ARSB: variants seen among roughly 807,000 people sequenced by gnomAD.
The protein encoded by ARSB is arylsulfatase B, also known as N-acetylgalactosamine-4-sulfatase.
ARSB carries 41 observed loss-of-function variants against 50.9 expected under a neutral mutation model. The observed-to-expected ratio is 0.81, with a 90% confidence interval of 0.63 to 1.04. The LOEUF is 1.04. ARSB is among the 50% of genes least tolerant of loss of function. ARSB has a pLI of 0.00. For synonymous variants in ARSB, 269 were observed against 284.8 expected, an observed-to-expected ratio of 0.94 and a Z score of 0.56; for missense variants, 672 against 693.3, an observed-to-expected ratio of 0.97 and a Z score of 0.35.
chr5:78,814,534 C>T (rs1008742067), intron 6 of ARSB, among the ~76,000 whole-genome samples: 2 of 150,788 alleles, frequency 1.3e-5, no homozygotes, highest in Non-Finnish European at 3.0e-5. Flanking sequence ...TAAAGGCCCA[C>T]TCTTTTTTTT....
At chr5:78,797,363 G>T (rs1470111218) in intron 6 of ARSB, among the ~76,000 whole-genome samples, 2 of 152,140 alleles carry the variant, frequency 1.3e-5, no homozygotes, top group East Asian at 3.9e-4. Context: ...CATTTCGCTG[G>T]GTATTCTAGA....
At chr5:78,858,180 T>C (rs565185409) in intron 5 of ARSB, among the ~76,000 whole-genome samples, 1 of 152,320 alleles carries the variant, frequency 6.6e-6, no homozygotes, top group Middle Eastern at 3.4e-3. Context: ...GGTGTTTCCA[T>C]TCATTTGGTT....
rs753857948 is a variant in ARSB at position 78,964,537 on chromosome 5, G to A, written c.569C>T (p.Thr190Ile). The change falls in exon 3 of 8, where the codon ACA becomes ATA. Residue 190 changes from threonine to isoleucine, a missense_variant. Physicochemically the swap from Thr to Ile is moderately conservative, Grantham distance 89 (BLOSUM62 -1). Coordinates refer to ENST00000264914, the MANE Select transcript of ARSB (RefSeq NM_000046.5). Reference protein sequence around the residue: ...RCTLIDALNVTRCALDFRDGE... With the variant: ...RCTLIDALNVIRCALDFRDGE... ...ATCTCGAAAATCAAGAGCACATCGT[G>A]TGACATTCAGAGCGTCAATTAATGT... The A allele has an allele frequency of 1.1e-5, 18 of 1,614,014 alleles. No individual in the cohort carries two copies. The Admixed American group carries it at 1.8e-4, about 16-fold the overall frequency.
intron 5 of ARSB, among the ~76,000 whole-genome samples, chr5:78,872,831 AAAG>A (rs956228864): frequency 5.2e-5 from 6 of 115,802 alleles, no homozygotes; most frequent in African/African-American, 1.1e-4. Context: ...AAAAAAAAAA[AAAG>A]AAAGGGGCTA....
intron 4 of ARSB, among the ~76,000 whole-genome samples, chr5:78,919,152 C>T (rs1200944746): frequency 6.6e-6 from 1 of 152,200 alleles, no homozygotes; most frequent in Admixed American, 6.5e-5. Context: ...GGCTCACCTG[C>T]TGTGACTTTA....
chr5:78,821,942 T>C (rs1744246412), intron 6 of ARSB, among the ~76,000 whole-genome samples: 1 of 152,342 alleles, frequency 6.6e-6, no homozygotes, highest in South Asian at 2.1e-4. Context: ...ACTTGTTTGG[T>C]CTGGCGTGGC....
At chr5:78,869,171 G>A (rs1192799647) in intron 5 of ARSB, among the ~76,000 whole-genome samples, 1 of 134,118 alleles carries the variant, frequency 7.5e-6, no homozygotes, top group Non-Finnish European at 1.6e-5. Flanking sequence ...AGCAAGTCCT[G>A]AGTGACCTAC....
In ARSB at chr5:78,780,557, G is replaced by A. The variant is rs906245021; in HGVS notation, c.1442C>T (p.Pro481Leu). ...TCTGGACAGGTCATGTCTTTCTTCA[G>A]GGTCCCGATCAATATCAAAGAGCCA... ...TLWLFDIDRD[P>L]EERHDLSREY... Residue 481 changes from proline to leucine, a missense_variant, in exon 8 of 8, where the codon CCT becomes CTT. Physicochemically the swap from Pro to Leu is moderately conservative, Grantham distance 98 (BLOSUM62 -3). Coordinates refer to ENST00000264914, the MANE Select transcript of ARSB (RefSeq NM_000046.5). 3 of 1,614,152 alleles carry A rather than the reference G, an allele frequency of 1.9e-6. No homozygotes were observed. The highest frequency in any genetic ancestry group is 2.5e-6 in the Non-Finnish European group (3 of 1,180,022).
intron 4 of ARSB, among the ~76,000 whole-genome samples, chr5:78,890,335 C>T (rs746261882): frequency 6.6e-6 from 1 of 151,210 alleles, no homozygotes; most frequent in African/African-American, 2.4e-5. Flanking sequence ...ACTGCAGCCT[C>T]GATCTCCTGG....
chr5:78,900,487 G>C (rs779920202), intron 4 of ARSB, among the ~76,000 whole-genome samples: 1 of 152,090 alleles, frequency 6.6e-6, no homozygotes, highest in African/African-American at 2.4e-5. Flanking sequence ...CCACATGCTT[G>C]GTGCTGAAAG....
At chr5:78,821,689 T>A (rs1744231624) in intron 6 of ARSB, among the ~76,000 whole-genome samples, 1 of 152,220 alleles carries the variant, frequency 6.6e-6, no homozygotes, top group South Asian at 2.1e-4. Context: ...GCGGTGCATA[T>A]CTTCTAGAAT....
At chr5:78,923,426 C>G (rs953952156) in intron 4 of ARSB, among the ~76,000 whole-genome samples, 2 of 152,234 alleles carry the variant, frequency 1.3e-5, no homozygotes, top group Non-Finnish European at 2.9e-5. Flanking sequence ...CTGCTCTGAC[C>G]TGGTCACCAT....
intron 4 of ARSB, among the ~76,000 whole-genome samples, chr5:78,925,329 T>C (rs1361316450): frequency 1.3e-5 from 2 of 151,986 alleles, no homozygotes; most frequent in African/African-American, 4.8e-5. Context: ...GCAGAGAAAA[T>C]AAATGCCATT....
At chr5:78,906,192 G>A (rs1452235720) in intron 4 of ARSB, among the ~76,000 whole-genome samples, 1 of 151,936 alleles carries the variant, frequency 6.6e-6, no homozygotes, top group African/African-American at 2.4e-5. Flanking sequence ...AATTAGCCAA[G>A]TGTAGTGGTG....
chr5:78,824,342 C>CG (rs1490517202), intron 6 of ARSB, among the ~76,000 whole-genome samples: 1 of 152,202 alleles, frequency 6.6e-6, no homozygotes, highest in Non-Finnish European at 1.5e-5. Flanking sequence ...AATATTTAGT[C>CG]TTAAATACTT....
At chr5:78,782,617 T>C (rs1206480332) in intron 6 of ARSB, among the ~76,000 whole-genome samples, 3 of 152,218 alleles carry the variant, frequency 2.0e-5, no homozygotes, top group Admixed American at 1.3e-4. Context: ...GGTTGGTTTT[T>C]TGCTTTTGTG....
At chr5:78,836,672 T>G (rs988740536) in intron 6 of ARSB, among the ~76,000 whole-genome samples, 2 of 152,204 alleles carry the variant, frequency 1.3e-5, no homozygotes, top group African/African-American at 4.8e-5. Context: ...GCTAGGGCCC[T>G]TTAGGTAAGA....
chr5:78,902,122 G>A (rs1351857210), intron 4 of ARSB, among the ~76,000 whole-genome samples: 1 of 152,256 alleles, frequency 6.6e-6, no homozygotes, highest in African/African-American at 2.4e-5. Context: ...TAACATGACA[G>A]AGGGCATCAT....
intron 2 of ARSB, among the ~76,000 whole-genome samples, chr5:78,965,335 AATATT>A (rs1450464967): frequency 1.3e-5 from 2 of 152,110 alleles, no homozygotes; most frequent in African/African-American, 4.8e-5. Context: ...TATATTTTAA[AATATT>A]ATATTTCTAT....
Sources: gnomAD v4.1 joint callset for allele counts (sites outside exome capture counted in the v4.1 genomes callset) on GRCh38, gnomAD v4.1.1 for gene constraint, MANE v1.5 for transcripts, NCBI Gene and HGNC (gene_info 2026-07-23, HGNC 2026-07-21) for gene names.